The following ZNF891 variants were observed in gnomAD, a reference collection of about 807,000 sequenced individuals.
ZNF891 encodes hCG1646157.
For synonymous variants in ZNF891, 199 were observed against 209.0 expected, an observed-to-expected ratio of 0.95 and a Z score of 0.41; for missense variants, 589 against 632.7, an observed-to-expected ratio of 0.93 and a Z score of 0.74.
Position 133,105,618 on chromosome 12 carries a change from A to G in ZNF891, c.*14666T>C. On this transcript the variant is annotated 3_prime_UTR_variant, in exon 2 of 2. Transcript: ENST00000537226. Reference sequence around the variant, plus strand: ...AGAATTCTAAGTCAAGGCCCTGTGTATTCCAGTTTTAAAGGAGGCTGGAAA... The same window carrying G: ...AGAATTCTAAGTCAAGGCCCTGTGTGTTCCAGTTTTAAAGGAGGCTGGAAA... 6 of 1,614,160 alleles carry G rather than the reference A, an allele frequency of 3.7e-6. No homozygotes were observed. The highest frequency in any genetic ancestry group is 5.1e-6 in the Non-Finnish European group (6 of 1,180,032).
chr12:133,113,872 G>A lies in ZNF891; in HGVS notation c.*6412C>T, dbSNP rs1955700449. 1 of 151,936 alleles carries A rather than the reference G, an allele frequency of 6.6e-6. No individual in the cohort carries two copies. Among genetic ancestry groups the A allele is most frequent in the African/African-American group, 2.4e-5 (1 of 41,356 alleles). 9.4% of individuals were successfully genotyped at this position (151,936 alleles called of 1,614,324 possible). On this transcript the variant is annotated 3_prime_UTR_variant, in exon 2 of 2. Transcript: ENST00000537226. Reference sequence around the variant, plus strand: ...CTAGTGGCTGGGACCACAGATTCATGACACCATGGGTAATTTTTTTTTTTT... The same window carrying A: ...CTAGTGGCTGGGACCACAGATTCATAACACCATGGGTAATTTTTTTTTTTT...
Position 133,106,570 on chromosome 12 carries a change from T to G in ZNF891, c.*13714A>C. On this transcript the variant is annotated 3_prime_UTR_variant, in exon 2 of 2. Coordinates refer to ENST00000537226, the MANE Select transcript of ZNF891 (RefSeq NM_001277291.2). The stretch of plus-strand genomic sequence containing the variant: ...GCTGGAGCTCAAACCTTGCTAAACA[T>G]CAGAGGACACACACTCTTGACAACC... 6.2e-7 allele frequency: 1 copy of G among 1,613,852 alleles called. No homozygotes were observed. The highest frequency in any genetic ancestry group is 8.5e-7 in the Non-Finnish European group (1 of 1,179,992).
At position 133,113,080 on chromosome 12, in the gene ZNF891, TTA is replaced by T. The variant is rs1566332502; in HGVS notation, c.*7202_*7203del. ...TCTCAAAAAATATATATATATATAT[TTA>T]TATTTATTTATTAAAAATATATTTA... On this transcript the variant is annotated 3_prime_UTR_variant, in exon 2 of 2. Transcript: ENST00000537226. 6.9e-6 allele frequency: 1 copy of T among 145,818 alleles called. No homozygotes were observed. Among genetic ancestry groups the T allele is most frequent in the African/African-American group, 2.5e-5 (1 of 39,450 alleles). The allele number at this position is 145,818 out of a possible 1,614,324, so 9.0% of individuals were successfully genotyped here. A position where few individuals can be genotyped will look rare whatever the true frequency, so the allele number is the denominator to read the frequency against.
intron 1 of ZNF891, among the ~76,000 whole-genome samples, chr12:133,123,058 C>T (rs561467633): frequency 6.6e-6 from 1 of 152,240 alleles, no homozygotes; most frequent in Non-Finnish European, 1.5e-5. Flanking sequence ...TTTTAAAGTT[C>T]TCACTTTTGG....
chr12:133,124,713 A>G (rs1193492283), intron 1 of ZNF891, among the ~76,000 whole-genome samples: 2 of 146,118 alleles, frequency 1.4e-5, no homozygotes, highest in African/African-American at 5.0e-5. Context: ...CTAGAATTCA[A>G]TCGTATGCTA....
chr12:133,105,518 T>C lies in ZNF891; in HGVS notation c.*14766A>G. The C allele has an allele frequency of 6.3e-7, 1 of 1,589,334 alleles. No individual in the cohort carries two copies. Among genetic ancestry groups the C allele is most frequent in the Non-Finnish European group, 8.5e-7 (1 of 1,169,686 alleles). ...TTTTTGGTATCTTTCAGTTTCAGAGTCAAGTGGTGAGATCAAAGACTTTTC... is the reference window on the plus strand; with the variant it reads ...TTTTTGGTATCTTTCAGTTTCAGAGCCAAGTGGTGAGATCAAAGACTTTTC... On this transcript the variant is annotated 3_prime_UTR_variant, in exon 2 of 2. Coordinates refer to ENST00000537226, the MANE Select transcript of ZNF891 (RefSeq NM_001277291.2).
rs778661596 is a variant in ZNF891 at position 133,106,428 on chromosome 12, C to G, written c.*13856G>C. 1 of 1,613,894 alleles carries G rather than the reference C, an allele frequency of 6.2e-7. No individual in the cohort carries two copies. The highest frequency in any genetic ancestry group is 2.2e-5 in the East Asian group (1 of 44,854). On this transcript the variant is annotated 3_prime_UTR_variant, in exon 2 of 2. Coordinates refer to ENST00000537226, the MANE Select transcript of ZNF891 (RefSeq NM_001277291.2). ...ACGAAGAGTCACACTGGAGAGAAAC[C>G]CTATGCGTGTGCTGAATGTGATAAA...
chr12:133,125,952 A>C (rs1955811032), intron 1 of ZNF891: 3 of 443,348 alleles, frequency 6.8e-6, no homozygotes, highest in South Asian at 5.3e-5. Context: ...GAATAATCTA[A>C]ACTGAGTCCA....
At chr12:133,128,465 C>A (rs1004272459) in intron 1 of ZNF891, among the ~76,000 whole-genome samples, 2 of 152,066 alleles carry the variant, frequency 1.3e-5, no homozygotes, top group African/African-American at 2.4e-5. Context: ...AACCCCGTCT[C>A]TACTAAAAAA....
chr12:133,105,429 G>T lies in ZNF891; in HGVS notation c.*14855C>A, dbSNP rs1955555868. 7 of 1,401,812 alleles carry T rather than the reference G, an allele frequency of 5.0e-6. No individual in the cohort carries two copies. Among genetic ancestry groups the T allele is most frequent in the Non-Finnish European group, 6.6e-6 (7 of 1,055,848 alleles). 86.8% of individuals were successfully genotyped at this position (1,401,812 alleles called of 1,614,324 possible). On this transcript the variant is annotated 3_prime_UTR_variant, in exon 2 of 2. Coordinates refer to ENST00000537226, the MANE Select transcript of ZNF891 (RefSeq NM_001277291.2). ...ATAAGATTTTTTGAAACTTCATTCT[G>T]TTGCTAAAGAAGGGAGAAATGGCCT...
At position 133,106,020 on chromosome 12, in the gene ZNF891, C is replaced by T. The variant is rs760125877; in HGVS notation, c.*14264G>A. The T allele has an allele frequency of 8.7e-6, 14 of 1,614,156 alleles. No individual in the cohort carries two copies. The Admixed American group carries it at 1.0e-4, about 12-fold the overall frequency. On this transcript the variant is annotated 3_prime_UTR_variant, in exon 2 of 2. Transcript: ENST00000537226. ...ACTGGGGAGAAACCTTATGAATGTA[C>T]TGAGTGTGGAAAGGCCTTTAGCCGT...
At chr12:133,123,145 C>A (rs978212875) in intron 1 of ZNF891, among the ~76,000 whole-genome samples, 1 of 152,042 alleles carries the variant, frequency 6.6e-6, no homozygotes, top group African/African-American at 2.4e-5. Context: ...TTTTAATGGA[C>A]AAAATTATAG....
At chr12:133,127,347 C>T (rs929854881) in intron 1 of ZNF891, among the ~76,000 whole-genome samples, 6 of 152,136 alleles carry the variant, frequency 3.9e-5, no homozygotes, top group Non-Finnish European at 5.9e-5. Flanking sequence ...AATTAGAACA[C>T]ACATCATCAT....
chr12:133,121,461 CTTAATGTGGAGGACCAA>C lies in ZNF891; in HGVS notation c.441_457del (p.Asn147LysfsTer8), dbSNP rs1201832811. 2 of 1,536,168 alleles carry C rather than the reference CTTAATGTGGAGGACCAA, an allele frequency of 1.3e-6. No homozygotes were observed. The highest frequency in any genetic ancestry group is 4.9e-5 in the East Asian group (2 of 40,910). On this transcript the variant is annotated frameshift_variant, in exon 2 of 2. Coordinates refer to ENST00000537226, the MANE Select transcript of ZNF891 (RefSeq NM_001277291.2). LOFTEE classifies it low-confidence loss of function (END_TRUNC). ...GATCTTATGGCATTCCCAGTCTTCT[CTTAATGTGGAGGACCAA>C]TTATGCATTGTGAGTTTTATCATTT...
In ZNF891 at chr12:133,108,336, G is replaced by A. The variant is rs1047545305; in HGVS notation, c.*11948C>T. 1 of 151,172 alleles carries A rather than the reference G, an allele frequency of 6.6e-6. No individual in the cohort carries two copies. The highest frequency in any genetic ancestry group is 2.4e-5 in the African/African-American group (1 of 41,104). The allele number at this position is 151,172 out of a possible 1,614,324, so 9.4% of individuals were successfully genotyped here. On this transcript the variant is annotated 3_prime_UTR_variant, in exon 2 of 2. Coordinates refer to ENST00000537226, the MANE Select transcript of ZNF891 (RefSeq NM_001277291.2). ...CTCAGGCAGGAATGGTTTGTATCAG[G>A]GTAAAAATCAAGTTACCCTGTCAGC...
At chr12:133,122,215 C>A (rs1955770440) in intron 1 of ZNF891, 191 bp from the exon 2 acceptor site, 1 of 1,068,108 alleles carries the variant, frequency 9.4e-7, no homozygotes. Flanking sequence ...AAATGCCATC[C>A]TGATTCTTTG....
At chr12:133,129,933 A>T (rs563815226) in intron 1 of ZNF891, among the ~76,000 whole-genome samples, 244 of 152,280 alleles carry the variant, frequency 1.6e-3, no homozygotes, top group African/African-American at 5.3e-3. Context: ...TGCTTAGAGA[A>T]GGAGGCAAAC....
chr12:133,119,756 CA>C lies in ZNF891; in HGVS notation c.*527del, dbSNP rs1207695992. ...AATTCATAGGGACAAAGATGAAGTG[CA>C]AAAAGTAGAGGACAAGATAGATAGT... On this transcript the variant is annotated 3_prime_UTR_variant, in exon 2 of 2. Transcript: ENST00000537226. 2 of 152,498 alleles carry C rather than the reference CA, an allele frequency of 1.3e-5. No individual in the cohort carries two copies. The highest frequency in any genetic ancestry group is 2.9e-5 in the Non-Finnish European group (2 of 68,318). The allele number at this position is 152,498 out of a possible 1,614,324, so 9.4% of individuals were successfully genotyped here.
rs1186166629 is a variant in ZNF891, at chr12:133,109,668, G to A, written c.*10616C>T. ...ATAAAGATGTTTCAGAATAAAAATA[G>A]AGGAAATTTACGGTAGCATTCTTAT... is the stretch of plus-strand genomic sequence containing the variant. On this transcript the variant is annotated 3_prime_UTR_variant, in exon 2 of 2. Coordinates refer to ENST00000537226, the MANE Select transcript of ZNF891 (RefSeq NM_001277291.2). The A allele has an allele frequency of 6.6e-6, 1 of 152,150 alleles. No homozygotes were observed. Among genetic ancestry groups the A allele is most frequent in the South Asian group, 2.1e-4 (1 of 4,828 alleles). The allele number at this position is 152,150 out of a possible 1,614,324, so 9.4% of individuals were successfully genotyped here.
Sources: gnomAD v4.1 joint callset for allele counts (sites outside exome capture counted in the v4.1 genomes callset) on GRCh38, gnomAD v4.1.1 for gene constraint, MANE v1.5 for transcripts, NCBI Gene and HGNC (gene_info 2026-07-23, HGNC 2026-07-21) for gene names.